Variants in CNTNAP3 observed in about 807,000 individuals in gnomAD.
CNTNAP3 encodes contactin associated protein family member 3.
CNTNAP3 carries 36 observed loss-of-function variants against 92.1 expected under a neutral mutation model. The observed-to-expected ratio is 0.39, with a 90% CI of 0.30 to 0.52. The LOEUF (loss-of-function observed/expected upper bound fraction) is 0.52. Ranked by LOEUF, CNTNAP3 falls within the 20% of genes least tolerant of loss-of-function variation. The probability of loss-of-function intolerance (pLI) is 0.76; values close to 1 mark genes in which losing one functional copy is unlikely to be tolerated. For missense variants in CNTNAP3, 534 were observed against 1,069.6 expected (o/e 0.50, Z 6.98); for synonymous variants, 232 against 422.3 (o/e 0.55, Z 5.53).
rs1352632642 is a variant in CNTNAP3 at position 39,067,698 on chromosome 9, G to A, written c.*6192C>T. The stretch of plus-strand genomic sequence containing the variant: ...GGCATGAGCCACTGTGCCCGGCCTG[G>A]TGTTGGATAGTTTTATGTTACTGGA... On this transcript the variant is annotated 3_prime_UTR_variant, in exon 24 of 24. Coordinates refer to ENST00000297668, the MANE Select transcript of CNTNAP3 (RefSeq NM_033655.5). 6.6e-6 allele frequency among the ~76,000 whole-genome samples: 1 copy of A among 152,306 alleles called. No individual in the cohort carries two copies. The highest frequency in any genetic ancestry group is 2.4e-5 in the African/African-American group (1 of 41,486).
chr9:39,136,331 C>T (rs1180989936), intron 12 of CNTNAP3, among the ~76,000 whole-genome samples: 1 of 151,878 alleles, frequency 6.6e-6, no homozygotes, highest in Admixed American at 6.6e-5. Flanking sequence ...TCCTATATGT[C>T]CCAGAAGAAG....
chr9:39,107,629 T>G (rs1564074984), intron 15 of CNTNAP3, among the ~76,000 whole-genome samples: 1 of 151,998 alleles, frequency 6.6e-6, no homozygotes, highest in Non-Finnish European at 1.5e-5. Context: ...TATCTGGAAA[T>G]GGAGAACACA....
At chr9:39,089,530 G>A (rs190829872) in intron 18 of CNTNAP3, among the ~76,000 whole-genome samples, 3 of 152,008 alleles carry the variant, frequency 2.0e-5, no homozygotes, top group Admixed American at 6.6e-5. Context: ...GAAAATTCAC[G>A]TGTAAGTTTT....
Position 39,140,634 on chromosome 9 carries a change from G to A in CNTNAP3, c.1761C>T (p.Leu587=). 6.2e-7 allele frequency: 1 copy of A among 1,606,432 alleles called. No homozygotes were observed. The highest frequency in any genetic ancestry group is 8.5e-7 in the Non-Finnish European group (1 of 1,177,658). Residue 587 remains leucine, a synonymous_variant, in exon 12 of 24, where the codon CTC becomes CTT. Transcript: ENST00000297668. ...TGTGGGCTTCACAAGACTGCTCGTA[G>A]AGAGCTGTAGGAGAACACCAGCCAT... ...GYTGETCHSS[L]YEQSCEAHKH... is the part of the protein sequence containing the mutation.
Position 39,103,879 on chromosome 9 carries a change from T to G in CNTNAP3, c.2401A>C (p.Thr801Pro). 1 of 1,610,622 alleles carries G rather than the reference T, an allele frequency of 6.2e-7. No homozygotes were observed. The highest frequency in any genetic ancestry group is 8.5e-7 in the Non-Finnish European group (1 of 1,179,410). ...FWNSASFNTE[T>P]SYLHFPAFHG... The stretch of plus-strand genomic sequence containing the variant: ...AAAGCAGGGAAATGAAGGTATGAAG[T>G]CTCAGTGTTGAAGGAAGCTGAATTC... Residue 801 changes from threonine (T) to proline (P), a missense_variant, in exon 16 of 24, where the codon ACT (threonine) becomes CCT (proline). Thr to Pro is a conservative substitution (Grantham distance 38). Coordinates refer to ENST00000297668, the MANE Select transcript of CNTNAP3 (RefSeq NM_033655.5).
At chr9:39,134,570 A>T (rs1821382905) in intron 12 of CNTNAP3, among the ~76,000 whole-genome samples, 1 of 152,000 alleles carries the variant, frequency 6.6e-6, no homozygotes, top group Non-Finnish European at 1.5e-5. Flanking sequence ...GACTACAGGC[A>T]CACACCACCA....
intron 10 of CNTNAP3, among the ~76,000 whole-genome samples, chr9:39,146,676 G>A (rs527778524): frequency 4.6e-5 from 7 of 152,098 alleles, no homozygotes; most frequent in East Asian, 1.9e-4. Flanking sequence ...GCGACAGAGC[G>A]AGACTCCGTC....
In CNTNAP3 at chr9:39,069,859, T is replaced by G. The variant is rs2118337078; in HGVS notation, c.*4031A>C. Among the ~76,000 whole-genome samples, 1 of 152,230 alleles carries G rather than the reference T, an allele frequency of 6.6e-6. No homozygotes were observed. The highest frequency in any genetic ancestry group is 2.1e-4 in the South Asian group (1 of 4,832). On this transcript the variant is annotated 3_prime_UTR_variant, in exon 24 of 24. Transcript: ENST00000297668. ...GCGTTGGACTCTATGATATTTAATGTCTTTACCAATAGAAAAGCTCTGTAA... is the reference window on the plus strand; with the variant it reads ...GCGTTGGACTCTATGATATTTAATGGCTTTACCAATAGAAAAGCTCTGTAA...
At chr9:39,174,380 T>C in intron 7 of CNTNAP3, 2 of 629,184 alleles carry the variant, frequency 3.2e-6, no homozygotes, top group Non-Finnish European at 5.9e-6. Context: ...ACCCATCTTT[T>C]TTTTTTTTTT....
chr9:39,102,204 C>T (rs1339848179), intron 17 of CNTNAP3, among the ~76,000 whole-genome samples: 121 of 152,088 alleles, frequency 8.0e-4, no homozygotes, highest in Admixed American at 5.9e-3. Context: ...CGCTTGAACC[C>T]GGCAGGTGGA....
intron 12 of CNTNAP3, among the ~76,000 whole-genome samples, chr9:39,139,281 G>A (rs1054457630): frequency 2.0e-5 from 3 of 151,960 alleles, no homozygotes; most frequent in Non-Finnish European, 1.5e-5. Flanking sequence ...TTGTGACTTT[G>A]GTTGAGTCTT....
intron 7 of CNTNAP3, chr9:39,174,630 C>G: frequency 1.5e-6 from 1 of 688,252 alleles, no homozygotes. Flanking sequence ...GACAACTAAA[C>G]ATGAGCTTTC....
At position 39,085,725 on chromosome 9, in the gene CNTNAP3, C is replaced by T. The variant is rs1275173785; in HGVS notation, c.3442+11G>A. The stretch of plus-strand genomic sequence containing the variant: ...ACACTTATTTGGGAAAAAGCTCTTT[C>T]TCCTACTTACCTAAAACCTTTCCCA... On this transcript the variant is annotated intron_variant, in intron 21 of 23. Coordinates refer to ENST00000297668, the MANE Select transcript of CNTNAP3 (RefSeq NM_033655.5). 1.3e-6 allele frequency: 2 copies of T among 1,518,126 alleles called. No individual in the cohort carries two copies. Among genetic ancestry groups the T allele is most frequent in the African/African-American group, 2.9e-5 (2 of 69,422 alleles). The allele number at this position is 1,518,126 out of a possible 1,614,324, so 94.0% of individuals were successfully genotyped here.
At chr9:39,086,429 C>T (rs1346649274) in intron 20 of CNTNAP3, 2 of 381,912 alleles carry the variant, frequency 5.2e-6, no homozygotes, top group African/African-American at 4.3e-5. Context: ...AGAACATTCC[C>T]CTATTGAGTA....
chr9:39,135,125 TCTC>T (rs1446193030), intron 12 of CNTNAP3, among the ~76,000 whole-genome samples: 2 of 152,130 alleles, frequency 1.3e-5, no homozygotes, highest in Admixed American at 6.6e-5. Context: ...TTGACTCACT[TCTC>T]CTTATAATAT....
At chr9:39,093,727 A>T (rs1485854265) in intron 18 of CNTNAP3, among the ~76,000 whole-genome samples, 1 of 151,546 alleles carries the variant, frequency 6.6e-6, no homozygotes, top group Non-Finnish European at 1.5e-5. Context: ...TGAACAATAT[A>T]CCATTATATG....
rs11794921 is a variant in CNTNAP3 at position 39,133,034 on chromosome 9, C to T, written c.1978G>A (p.Ala660Thr). The change falls in exon 13 of 24, where the codon GCA becomes ACA. Residue 660 changes from alanine to threonine, a missense_variant. Physicochemically the swap from Ala to Thr is moderately conservative, Grantham distance 58. Transcript: ENST00000297668. The part of the protein sequence containing the change: ...HPRSAVSFAY[A>T]AGAGQLRSAV... ...GACCGCAGCTGCCCCGCGCCCGCTG[C>T]GTACGCGAAGGACACAGCCGAGCGC... 5.2e-6 allele frequency: 8 copies of T among 1,546,372 alleles called. No individual in the cohort carries two copies. Among genetic ancestry groups the T allele is most frequent in the East Asian group, 4.7e-5 (2 of 42,370 alleles).
At chr9:39,110,207 G>T (rs955282187) in intron 14 of CNTNAP3, among the ~76,000 whole-genome samples, 5 of 152,082 alleles carry the variant, frequency 3.3e-5, no homozygotes, top group African/African-American at 1.2e-4. Context: ...ACCAGCCTGG[G>T]CAACATAGTG....
intron 13 of CNTNAP3, among the ~76,000 whole-genome samples, chr9:39,127,173 G>T (rs985560135): frequency 6.6e-6 from 1 of 151,844 alleles, no homozygotes; most frequent in Non-Finnish European, 1.5e-5. Flanking sequence ...ACAGGTCAAA[G>T]AATATGCTTC....
Sources: allele counts gnomAD v4.1 joint callset (sites outside exome capture counted in the v4.1 genomes callset), GRCh38; gene constraint gnomAD v4.1.1; transcripts MANE v1.5; gene names NCBI Gene and HGNC (gene_info 2026-07-23, HGNC 2026-07-21).